Variants in CERS4 observed in about 807,000 individuals in gnomAD.
CERS4 encodes LAG1 homolog, ceramide synthase 4.
A neutral mutation model predicts 51.8 loss-of-function variants in CERS4; 65 were observed. The observed-to-expected ratio is 1.26, with a 90% CI of 1.03 to 1.54. The LOEUF (loss-of-function observed/expected upper bound fraction) is 1.54, where lower values mean the gene tolerates loss of function less well. Among genes scored for constraint, CERS4 ranks in the 40% most tolerant of loss-of-function variants. The pLI is 0.00. For synonymous variants in CERS4, 228 were observed against 208.4 expected, an observed-to-expected ratio of 1.09 and a Z score of -0.81; for missense variants, 563 against 500.4, an observed-to-expected ratio of 1.13 and a Z score of -1.19.
chr19:8,230,238 A>C (rs932279212), intron 2 of CERS4, among the ~76,000 whole-genome samples: 5 of 150,452 alleles, frequency 3.3e-5, no homozygotes, highest in Non-Finnish European at 1.5e-5. Context: ...GCTGGAGCAC[A>C]GTGGTGCGAT....
chr19:8,258,062 C>T (rs1599596743), intron 10 of CERS4, 77 bp downstream of exon 10: 3 of 1,162,072 alleles, frequency 2.6e-6, no homozygotes, highest in Non-Finnish European at 3.9e-6. Context: ...ACCATTGGTA[C>T]CCTGCCCCAA....
chr19:8,258,102 C>T (rs1056982273), intron 10 of CERS4, 117 bp downstream of exon 10: 4 of 805,028 alleles, frequency 5.0e-6, no homozygotes, highest in African/African-American at 1.7e-5. Context: ...GGGAGAGTTC[C>T]AGGAGGAGGC....
In CERS4 at chr19:8,255,598, C is replaced by A; in HGVS notation, c.292-9C>A. 2 of 1,606,656 alleles carry A rather than the reference C, an allele frequency of 1.2e-6. No homozygotes were observed. The highest frequency in any genetic ancestry group is 2.2e-5 in the East Asian group (1 of 44,848). Reference sequence around the variant, plus strand: ...TCTGTGACCCTTGTCCTCATCACCCCCTCCCCAGCCCCAGCTGTCTCTCCT... The same window carrying A: ...TCTGTGACCCTTGTCCTCATCACCCACTCCCCAGCCCCAGCTGTCTCTCCT... On this transcript the variant is annotated splice_polypyrimidine_tract_variant and intron_variant, in intron 4 of 11. Coordinates refer to ENST00000251363, the MANE Select transcript of CERS4 (RefSeq NM_024552.3).
intron 2 of CERS4, among the ~76,000 whole-genome samples, chr19:8,217,591 C>T (rs1335555961): frequency 6.7e-6 from 1 of 149,340 alleles, no homozygotes; most frequent in Non-Finnish European, 1.5e-5. Context: ...GGCTGGAGTG[C>T]AGTGACTCCA....
intron 8 of CERS4, 68 bp downstream of exon 8, chr19:8,256,778 C>A: frequency 6.3e-7 from 1 of 1,577,684 alleles, no homozygotes; most frequent in Non-Finnish European, 8.6e-7. Context: ...GGGGGTAGGG[C>A]AGCCTTACAA....
Position 8,262,301 on chromosome 19 carries a change from G to C in CERS4, c.*192G>C. ...CACCCTTCTTCCCTCTGGGCAACTG[G>C]ACAGATCTGGGAGCCAGCAGCTGGA... is the stretch of plus-strand genomic sequence containing the variant. On this transcript the variant is annotated 3_prime_UTR_variant, in exon 12 of 12. Transcript: ENST00000251363. The C allele has an allele frequency of 1.9e-6, 1 of 512,900 alleles. No individual in the cohort carries two copies. Among genetic ancestry groups the C allele is most frequent in the Non-Finnish European group, 3.1e-6 (1 of 318,962 alleles). 31.8% of individuals were successfully genotyped at this position (512,900 alleles called of 1,614,324 possible). A position where few individuals can be genotyped will look rare whatever the true frequency, so the allele number is the denominator to read the frequency against.
chr19:8,247,638 T>G (rs1200737696), intron 2 of CERS4, among the ~76,000 whole-genome samples: 1 of 152,110 alleles, frequency 6.6e-6, no homozygotes, highest in East Asian at 1.9e-4. Context: ...CAGGCTGGTC[T>G]TGAACTCCTG....
chr19:8,256,166 A>G (rs1969369368), intron 6 of CERS4, 70 bp from the exon 7 acceptor site: 1 of 1,500,348 alleles, frequency 6.7e-7, no homozygotes, highest in Admixed American at 2.0e-5. Flanking sequence ...GGAGAACCAA[A>G]GAGACCGCAG....
At chr19:8,250,856 G>C in intron 2 of CERS4, 4 of 1,367,374 alleles carry the variant, frequency 2.9e-6, no homozygotes, top group Non-Finnish European at 3.7e-6. Context: ...CCAGGCAATG[G>C]AGTGGGAGTG....
At chr19:8,219,371 T>C (rs919872699) in intron 2 of CERS4, among the ~76,000 whole-genome samples, 1 of 152,118 alleles carries the variant, frequency 6.6e-6, no homozygotes, top group African/African-American at 2.4e-5. Flanking sequence ...TAGGTTCAGA[T>C]GGATGCCTGG....
Position 8,261,540 on chromosome 19 carries a change from CAA to C in CERS4, c.849-147_849-146del, listed in dbSNP as rs1161265336. The C allele has an allele frequency of 5.6e-6, 5 of 889,450 alleles. No individual in the cohort carries two copies. In the African/African-American group the frequency reaches 6.7e-5, roughly 12 times the overall value. 55.1% of individuals were successfully genotyped at this position (889,450 alleles called of 1,614,324 possible). ...GAGAGGGGGCCTCGCGTGCCCAGCT[CAA>C]GAGTGTTAGGTATCATGGGGTGGGG... On this transcript the variant is annotated intron_variant, in intron 10 of 11. Coordinates refer to ENST00000251363, the MANE Select transcript of CERS4 (RefSeq NM_024552.3).
intron 2 of CERS4, among the ~76,000 whole-genome samples, chr19:8,245,132 A>C (rs1230701357): frequency 9.8e-5 from 8 of 81,764 alleles, no homozygotes; most frequent in East Asian, 1.1e-3. Flanking sequence ...AAAAAAAAAA[A>C]AAACACTCTT....
At position 8,224,104 on chromosome 19, in the gene CERS4, T is replaced by TAAA. The variant is rs746066578; in HGVS notation, c.-2+13262_-2+13264dup. On this transcript the variant is annotated intron_variant, in intron 2 of 11. Transcript: ENST00000251363. ...CTGGGTGACAGCAAGACTCCGTCTTTAAAAAAAAAAAAAAAAAAAAAAGGC... is the reference window on the plus strand; with the variant it reads ...CTGGGTGACAGCAAGACTCCGTCTTTAAAAAAAAAAAAAAAAAAAAAAAAAGGC... Among the ~76,000 whole-genome samples, 8 of 65,474 alleles carry TAAA rather than the reference T, an allele frequency of 1.2e-4. No homozygotes were observed. The East Asian group carries it at 3.6e-3, about 29-fold the overall frequency. The allele number at this position is 65,474 out of a possible 152,430, so 43.0% of individuals were successfully genotyped here.
chr19:8,258,281 T>C (rs1969502319), intron 10 of CERS4, among the ~76,000 whole-genome samples: 1 of 152,182 alleles, frequency 6.6e-6, no homozygotes, highest in Non-Finnish European at 1.5e-5. Flanking sequence ...TTGAGTGTGC[T>C]GGTAACACAG....
At chr19:8,250,773 A>C (rs1002982584) in intron 2 of CERS4, 3 of 1,102,056 alleles carry the variant, frequency 2.7e-6, no homozygotes, top group Admixed American at 5.1e-5. Flanking sequence ...TGTTTTACAG[A>C]TGAACTTGAG....
At chr19:8,246,595 TGAAAG>T (rs1352761786) in intron 2 of CERS4, among the ~76,000 whole-genome samples, 3 of 151,916 alleles carry the variant, frequency 2.0e-5, no homozygotes, top group Admixed American at 6.6e-5. Context: ...AATTTTACCT[TGAAAG>T]GAAAAACCCA....
chr19:8,254,322 CAAAA>C (rs74176633), intron 3 of CERS4, among the ~76,000 whole-genome samples, 173 bp from the exon 4 acceptor site: 15 of 38,782 alleles, frequency 3.9e-4, no homozygotes, highest in Admixed American at 9.1e-4. Flanking sequence ...TACTCTGTCT[CAAAA>C]AAAAAAAAAA....
intron 2 of CERS4, among the ~76,000 whole-genome samples, chr19:8,243,508 G>A (rs1037794157): frequency 1.3e-5 from 2 of 152,126 alleles, no homozygotes; most frequent in African/African-American, 4.8e-5. Flanking sequence ...TTGACTGCTT[G>A]TTGGGTCACT....
chr19:8,259,776 G>A (rs192857240), intron 10 of CERS4, among the ~76,000 whole-genome samples: 3 of 152,272 alleles, frequency 2.0e-5, no homozygotes, highest in Admixed American at 2.0e-4. Context: ...AAGAGGTAAT[G>A]TAGGAGTTGT....
Sources: allele counts gnomAD v4.1 joint callset (sites outside exome capture counted in the v4.1 genomes callset), GRCh38; gene constraint gnomAD v4.1.1; transcripts MANE v1.5; gene names NCBI Gene and HGNC (gene_info 2026-07-23, HGNC 2026-07-21).